BACH1: variants seen among roughly 807,000 people sequenced by gnomAD.
The protein encoded by BACH1 is BTB domain and CNC homolog 1.
Under a neutral mutation model 52.9 loss-of-function variants are expected in BACH1, and 35 were observed. The observed-to-expected ratio is 0.66, with a 90% CI of 0.51 to 0.88. The LOEUF is 0.88. BACH1 is among the 40% of genes least tolerant of loss of function. BACH1 has a pLI of 0.00. For synonymous variants in BACH1, 321 were observed against 319.6 expected, an observed-to-expected ratio of 1.00 and a Z score of -0.05; for missense variants, 808 against 872.6, an observed-to-expected ratio of 0.93 and a Z score of 0.93.
At position 29,342,612 on chromosome 21, in the gene BACH1, C is replaced by G. The variant is rs765254703; in HGVS notation, c.1990C>G (p.Leu664Val). The G allele has an allele frequency of 4.3e-6, 7 of 1,614,054 alleles. No individual in the cohort carries two copies. Among genetic ancestry groups the G allele is most frequent in the African/African-American group, 1.3e-5 (1 of 74,940 alleles). Residue 664 changes from leucine to valine, a missense_variant, in exon 5 of 5, where the codon CTG becomes GTG. Coordinates refer to ENST00000286800, the MANE Select transcript of BACH1 (RefSeq NM_001186.4). ...EKDKSTPDGE[L>V]ALPSIFSLSD... is the part of the protein sequence containing the mutation. ...AGATAAAAGTACTCCTGATGGTGAA[C>G]TGGCGTTACCATCAATTTTCAGTTT...
intron 2 of BACH1, among the ~76,000 whole-genome samples, chr21:29,357,241 C>T (rs2089240227): frequency 6.6e-6 from 1 of 152,250 alleles, no homozygotes; most frequent in African/African-American, 2.4e-5. Flanking sequence ...CTTTCAAGTA[C>T]TGTTACTGTG....
At chr21:29,335,224 A>G (rs1185513584) in intron 4 of BACH1, among the ~76,000 whole-genome samples, 1 of 152,188 alleles carries the variant, frequency 6.6e-6, no homozygotes, top group Non-Finnish European at 1.5e-5. Context: ...CTTAACCTCC[A>G]GTACCCACAT....
intron 1 of BACH1, among the ~76,000 whole-genome samples, chr21:29,303,140 T>C (rs1372285668): frequency 1.3e-5 from 2 of 152,242 alleles, no homozygotes; most frequent in African/African-American, 4.8e-5. Context: ...ATTTAGAATG[T>C]AAATTTGTAA....
chr21:29,323,649 C>T (rs1003964876), intron 2 of BACH1, among the ~76,000 whole-genome samples: 14 of 152,162 alleles, frequency 9.2e-5, no homozygotes, highest in Admixed American at 3.9e-4. Context: ...CTAGCAACGC[C>T]CTCACTGACA....
At chr21:29,306,295 C>T (rs2088656839) in intron 1 of BACH1, among the ~76,000 whole-genome samples, 1 of 151,090 alleles carries the variant, frequency 6.6e-6, no homozygotes, top group African/African-American at 2.4e-5. Context: ...CTTATGGTTG[C>T]AAGATGGCTG....
chr21:29,314,901 G>A (rs1267739094), intron 1 of BACH1, among the ~76,000 whole-genome samples: 1 of 152,098 alleles, frequency 6.6e-6, no homozygotes, highest in Non-Finnish European at 1.5e-5. Flanking sequence ...GCCTGTAAAC[G>A]GTTAAAGAAA....
intron 1 of BACH1, among the ~76,000 whole-genome samples, chr21:29,308,625 A>C (rs1411698923): frequency 6.6e-6 from 1 of 151,990 alleles, no homozygotes; most frequent in East Asian, 1.9e-4. Flanking sequence ...ATGTGTGTCA[A>C]CTCTTAAACC....
intron 4 of BACH1, among the ~76,000 whole-genome samples, chr21:29,331,933 C>T (rs1324676304): frequency 6.6e-6 from 1 of 152,094 alleles, no homozygotes. Context: ...CGGAGTCTTG[C>T]TCTGTCACCC....
chr21:29,334,529 G>A (rs1282484059), intron 4 of BACH1, among the ~76,000 whole-genome samples: 2 of 152,204 alleles, frequency 1.3e-5, no homozygotes, highest in Non-Finnish European at 1.5e-5. Flanking sequence ...TAATTCAGAA[G>A]TTAGAAAATA....
chr21:29,323,170 G>A (rs2088869147), intron 2 of BACH1, among the ~76,000 whole-genome samples: 1 of 152,148 alleles, frequency 6.6e-6, no homozygotes, highest in Non-Finnish European at 1.5e-5. Context: ...TTTATCGAGT[G>A]TATTAGGGTT....
chr21:29,310,078 G>T (rs1057299627), intron 1 of BACH1, among the ~76,000 whole-genome samples: 1 of 151,720 alleles, frequency 6.6e-6, no homozygotes, highest in Admixed American at 6.6e-5. Flanking sequence ...TTATTCTTTA[G>T]TAATTTATTG....
chr21:29,327,564 C>CA (rs2088929020), intron 3 of BACH1, among the ~76,000 whole-genome samples, 171 bp downstream of exon 3: 1 of 152,188 alleles, frequency 6.6e-6, no homozygotes, highest in Non-Finnish European at 1.5e-5. Context: ...CAGTGGCCCA[C>CA]AACTGTTAAT....
chr21:29,321,647 T>C (rs889725464), intron 2 of BACH1, 133 bp downstream of exon 2: 150 of 419,780 alleles, frequency 3.6e-4, no homozygotes, highest in East Asian at 1.6e-3. Context: ...TGCAACCCCT[T>C]TTTTTTTTTT....
At chr21:29,352,798 A>C (rs983038490) in intron 2 of BACH1, 5 of 149,286 alleles carry the variant, frequency 3.3e-5, no homozygotes, top group African/African-American at 1.2e-4. Flanking sequence ...TGCAACCTCC[A>C]CCTTCCAGGT....
At chr21:29,352,689 A>G (rs2089209991) in intron 2 of BACH1, 1 of 147,508 alleles carries the variant, frequency 6.8e-6, no homozygotes, top group Non-Finnish European at 1.5e-5. Context: ...CTTGGCTAAT[A>G]TTTGTTTTTG....
chr21:29,350,949 G>C (rs989459190), downstream of BACH1, among the ~76,000 whole-genome samples: 44 of 152,190 alleles, frequency 2.9e-4, no homozygotes, highest in East Asian at 1.9e-4. Flanking sequence ...CGGGAACATA[G>C]GTTCAGGTTT....
chr21:29,351,705 C>T (rs1365313874), intron 2 of BACH1: 2 of 534,756 alleles, frequency 3.7e-6, no homozygotes, highest in Non-Finnish European at 7.7e-6. Context: ...CCTGCTCAGA[C>T]AGCTCTGTTT....
At chr21:29,309,257 C>CAAAAA (rs3054257) in intron 1 of BACH1, among the ~76,000 whole-genome samples, 1 of 91,836 alleles carries the variant, frequency 1.1e-5, no homozygotes, top group Non-Finnish European at 2.3e-5. Context: ...GACTCTGTCT[C>CAAAAA]AAAAAAAAAA....
At chr21:29,308,672 GCTTTCGCCTCCTAAA>G (rs1485652154) in intron 1 of BACH1, among the ~76,000 whole-genome samples, 1 of 152,116 alleles carries the variant, frequency 6.6e-6, no homozygotes, top group African/African-American at 2.4e-5. Flanking sequence ...TAGTTTTAGG[GCTTTCGCCTCCTAAA>G]GAATATGAAT....
Sources: allele counts gnomAD v4.1 joint callset (sites outside exome capture counted in the v4.1 genomes callset), GRCh38; gene constraint gnomAD v4.1.1; transcripts MANE v1.5; gene names NCBI Gene and HGNC (gene_info 2026-07-23, HGNC 2026-07-21).